SEMA4C: variants seen among roughly 807,000 people sequenced by gnomAD.
The protein encoded by SEMA4C is semaphorin-4C.
A neutral mutation model predicts 89.0 loss-of-function variants in SEMA4C; 19 were observed. That is an observed-to-expected ratio of 0.21 (90% CI 0.15 to 0.31). SEMA4C has a LOEUF of 0.31. SEMA4C is among the 10% of genes least tolerant of loss of function. The probability of loss-of-function intolerance (pLI) is 1.00; values close to 1 mark genes in which losing one functional copy is unlikely to be tolerated. For missense variants in SEMA4C, 811 were observed against 1,107.0 expected (o/e 0.73, Z 3.79); for synonymous variants, 428 against 472.7 (o/e 0.91, Z 1.23).
intron 3 of SEMA4C, 75 bp downstream of exon 3, chr2:96,866,208 C>T: frequency 6.6e-7 from 1 of 1,522,570 alleles, no homozygotes; most frequent in South Asian, 1.3e-5. Context: ...GCTGAGGGAC[C>T]ACCTAGCCAA....
chr2:96,866,028 G>C, intron 3 of SEMA4C, 99 bp from the exon 4 acceptor site: 1 of 1,289,670 alleles, frequency 7.8e-7, no homozygotes, highest in Non-Finnish European at 1.1e-6. Flanking sequence ...GCCCAGTGCA[G>C]AGGCATGGTC....
chr2:96,869,552 G>C (rs371943560), intron 1 of SEMA4C: 5 of 985,180 alleles, frequency 5.1e-6, no homozygotes, highest in South Asian at 4.7e-5. Flanking sequence ...CTTTCCATCG[G>C]GGGTGGGAGC....
rs376941141 is a variant in SEMA4C at position 96,860,865 on chromosome 2, C to T, written c.2263G>A (p.Gly755Ser). ...GGAGGTGGCGAAGGGGGCCCCCCAC[C>T]GGGCTGGCACCGGGCATGCCCAGGT... is the stretch of plus-strand genomic sequence containing the variant. ...IVPGHARCQP[G>S]GGPPSPPPGI... The change falls in exon 15 of 15, where the codon GGT (glycine) becomes AGT (serine). Residue 755 changes from glycine (G) to serine (S), a missense_variant. Physicochemically the swap from Gly to Ser is moderately conservative, Grantham distance 56. This residue lies in a region of SEMA4C where 248 missense variants were observed against 269.0 expected (regional missense o/e 0.92). Coordinates refer to ENST00000305476, the MANE Select transcript of SEMA4C (RefSeq NM_017789.5). 32 of 1,613,012 alleles carry T rather than the reference C, an allele frequency of 2.0e-5. No homozygotes were observed. The highest frequency in any genetic ancestry group is 1.3e-4 in the South Asian group (12 of 91,092).
intron 1 of SEMA4C, chr2:96,868,598 G>C: frequency 1.0e-6 from 1 of 985,680 alleles, no homozygotes; most frequent in Non-Finnish European, 1.2e-6. Context: ...GAGGCAGGAA[G>C]TGGGTGGGAT....
In SEMA4C at chr2:96,869,912, C is replaced by A; in HGVS notation, c.-74G>T. The stretch of plus-strand genomic sequence containing the variant: ...AGCTCCAGTCCCCGGGCGCCGCCCT[C>A]GCGTTCGGCTCTGACCGCCGTCCAC... On this transcript the variant is annotated 5_prime_UTR_variant, in exon 1 of 15. Coordinates refer to ENST00000305476, the MANE Select transcript of SEMA4C (RefSeq NM_017789.5). 2.0e-6 allele frequency: 2 copies of A among 986,208 alleles called. No individual in the cohort carries two copies. Among genetic ancestry groups the A allele is most frequent in the South Asian group, 4.5e-5 (1 of 22,004 alleles). The allele number at this position is 986,208 out of a possible 1,614,324, so 61.1% of individuals were successfully genotyped here.
intron 12 of SEMA4C, chr2:96,863,312 A>G: frequency 9.6e-7 from 1 of 1,038,914 alleles, no homozygotes; most frequent in Non-Finnish European, 1.2e-6. Flanking sequence ...TGGTGAGGGC[A>G]TCATAAACAT....
At position 96,860,505 on chromosome 2, in the gene SEMA4C, C is replaced by G; in HGVS notation, c.*121G>C. The G allele has an allele frequency of 1.1e-6, 1 of 901,872 alleles. No individual in the cohort carries two copies. The highest frequency in any genetic ancestry group is 1.6e-6 in the Non-Finnish European group (1 of 607,618). The allele number at this position is 901,872 out of a possible 1,614,324, so 55.9% of individuals were successfully genotyped here. ...GCAGGTCCTCATGGCCGGGTGGGTG[C>G]TGGGCAGTATCTGTCCCAGACAGAG... On this transcript the variant is annotated 3_prime_UTR_variant, in exon 15 of 15. Coordinates refer to ENST00000305476, the MANE Select transcript of SEMA4C (RefSeq NM_017789.5).
Position 96,868,126 on chromosome 2 carries a change from G to T in SEMA4C, c.-37-203C>A, listed in dbSNP as rs945333926. On this transcript the variant is annotated intron_variant, in intron 1 of 14. Coordinates refer to ENST00000305476, the MANE Select transcript of SEMA4C (RefSeq NM_017789.5). The stretch of plus-strand genomic sequence containing the variant: ...ACAGGTCTCCCTGGGAAGCGGGGAG[G>T]AGTTGAGTTGGCTGAAGGCTAAACA... 3.3e-5 allele frequency among the ~76,000 whole-genome samples: 5 copies of T among 152,244 alleles called. No individual in the cohort carries two copies. In the East Asian group the frequency reaches 9.6e-4, roughly 29 times the overall value.
chr2:96,867,617 C>G (rs7608266), intron 2 of SEMA4C, among the ~76,000 whole-genome samples, 161 bp downstream of exon 2: 2,779 of 152,284 alleles, frequency 0.018, 80 homozygotes, highest in African/African-American at 0.062. Flanking sequence ...AGAGCTCCCC[C>G]AGAGGAGGCT....
chr2:96,869,680 C>T (rs985456151), intron 1 of SEMA4C, 196 bp downstream of exon 1: 2 of 985,192 alleles, frequency 2.0e-6, no homozygotes, highest in Non-Finnish European at 1.2e-6. Context: ...GCTGTGCGCC[C>T]CACTCCCGAG....
In SEMA4C at chr2:96,865,246, G is replaced by A. The variant is rs917124274; in HGVS notation, c.592C>T (p.His198Tyr). 1.3e-5 allele frequency: 21 copies of A among 1,614,046 alleles called. No homozygotes were observed. The highest frequency in any genetic ancestry group is 1.8e-5 in the Non-Finnish European group (21 of 1,179,978). Residue 198 changes from histidine (H) to tyrosine (Y), a missense_variant, in exon 7 of 15, where the codon CAC becomes TAC. His to Tyr is a moderately conservative substitution (Grantham distance 83, BLOSUM62 2). Transcript: ENST00000305476. The part of the protein sequence containing the change: ...EPIILRNMGP[H>Y]HSMKTEYLAF... ...AGGTACTCTGTCTTCATGGAGTGGTGGGGCCCCATGTTACGCAGGATAATG... is the reference window on the plus strand; with the variant it reads ...AGGTACTCTGTCTTCATGGAGTGGTAGGGCCCCATGTTACGCAGGATAATG...
At chr2:96,866,454 T>C (rs1396779075) in intron 2 of SEMA4C, 23 bp from the exon 3 acceptor site, 16 of 1,613,754 alleles carry the variant, frequency 9.9e-6, no homozygotes, top group African/African-American at 1.3e-5. Context: ...GCATGGCTGC[T>C]GATGGGCAGG....
chr2:96,861,731 A>G lies in SEMA4C; in HGVS notation c.1601+6T>C, dbSNP rs966041408. 4 of 1,613,328 alleles carry G rather than the reference A, an allele frequency of 2.5e-6. No individual in the cohort carries two copies. Among genetic ancestry groups the G allele is most frequent in the Non-Finnish European group, 3.4e-6 (4 of 1,179,830 alleles). On this transcript the variant is annotated splice_donor_region_variant and intron_variant, in intron 13 of 14. Transcript: ENST00000305476. The surrounding 1 kb of genome is among the most constrained non-coding windows in gnomAD (Gnocchi z 7.8). ...GAGGTCCTGGCCTATGTAGAGCCCA[A>G]CTCACCCAGAGTGGCCACCCACGGC...
rs371654812 is a variant in SEMA4C at position 96,860,612 on chromosome 2, G to C, written c.*14C>G. ...CACCTCCCACGCTTCCCGCCGACGC[G>C]GTGGGGGTTCCCCTCATACTGATGA... On this transcript the variant is annotated 3_prime_UTR_variant, in exon 15 of 15. Coordinates refer to ENST00000305476, the MANE Select transcript of SEMA4C (RefSeq NM_017789.5). The C allele has an allele frequency of 2.5e-6, 4 of 1,579,088 alleles. No homozygotes were observed. The highest frequency in any genetic ancestry group is 1.7e-6 in the Non-Finnish European group (2 of 1,160,686).
intron 1 of SEMA4C, chr2:96,868,700 G>T: frequency 1.0e-6 from 1 of 985,372 alleles, no homozygotes; most frequent in Non-Finnish European, 1.2e-6. Flanking sequence ...GGGGGACCGA[G>T]CTCGGGTCGA....
intron 12 of SEMA4C, chr2:96,862,220 C>A: frequency 3.5e-6 from 1 of 289,770 alleles, no homozygotes; most frequent in Non-Finnish European, 6.5e-6. Context: ...AAATACATTT[C>A]AAGGCCCATC....
intron 4 of SEMA4C, 47 bp from the exon 5 acceptor site, chr2:96,865,811 T>C: frequency 6.2e-7 from 1 of 1,613,390 alleles, no homozygotes; most frequent in Non-Finnish European, 8.5e-7. Context: ...AGGGCCAGAA[T>C]GGGAGGAGAC....
At chr2:96,870,793 GCAGAACCACCGCCACCTT>G (rs1038142459), upstream of SEMA4C, 1 of 979,956 alleles carries the variant, frequency 1.0e-6, no homozygotes, top group South Asian at 4.7e-5. Flanking sequence ...GAGCCACGCT[GCAGAACCACCGCCACCTT>G]CAGAACCACC....
At chr2:96,869,296 TG>T in intron 1 of SEMA4C, 1 of 985,230 alleles carries the variant, frequency 1.0e-6, no homozygotes, top group African/African-American at 1.7e-5. Context: ...GAGGAGGGGT[TG>T]GGGGGAGGGG....
Sources: gnomAD v4.1 joint callset for allele counts (sites outside exome capture counted in the v4.1 genomes callset) on GRCh38, gnomAD v4.1.1 for gene constraint, gnomAD v4.1.1 regional missense constraint, Gnocchi (gnomAD v3.1) non-coding constraint, MANE v1.5 for transcripts, NCBI Gene and HGNC (gene_info 2026-07-23, HGNC 2026-07-21) for gene names.